Variants in STK3 observed in about 807,000 individuals in gnomAD.
STK3 encodes the protein serine/threonine kinase 3.
In STK3, 41 loss-of-function variants were observed where a neutral mutation model predicts 58.0. The ratio of observed to expected loss-of-function variants is 0.71; its 90% CI spans 0.55 to 0.92. STK3 has a LOEUF of 0.92. Ranked by LOEUF, STK3 falls within the 40% of genes least tolerant of loss-of-function variation. The pLI is 0.00. For missense variants in STK3, 479 were observed against 602.7 expected (o/e 0.79, Z 2.15); for synonymous variants, 170 against 191.0 (o/e 0.89, Z 0.91).
chr8:98,817,723 T>C (rs1309590102), intron 1 of STK3, among the ~76,000 whole-genome samples: 2 of 152,172 alleles, frequency 1.3e-5, no homozygotes, highest in African/African-American at 2.4e-5. Flanking sequence ...GTCCTTCATT[T>C]ATAACTCCAA....
chr8:98,644,386 A>C (rs1351889096), intron 6 of STK3, among the ~76,000 whole-genome samples: 1 of 152,206 alleles, frequency 6.6e-6, no homozygotes, highest in African/African-American at 2.4e-5. Flanking sequence ...CAGATTAAAA[A>C]TTAAAATTAA....
chr8:98,740,280 G>A (rs1008337159), intron 4 of STK3, among the ~76,000 whole-genome samples: 4 of 152,000 alleles, frequency 2.6e-5, no homozygotes, highest in African/African-American at 7.3e-5. Context: ...GCAACTCCAA[G>A]ACACATAATT....
the STK3 span, among the ~76,000 whole-genome samples, chr8:98,359,522 CA>C: frequency 2.7e-3 from 305 of 114,428 alleles, no homozygotes; most frequent in East Asian, 4.5e-3. Context: ...GACTCTGGCT[CA>C]AAAAAAAAAA....
At chr8:98,921,794 C>T (rs868818881) in intron 1 of STK3, among the ~76,000 whole-genome samples, 4 of 152,114 alleles carry the variant, frequency 2.6e-5, no homozygotes, top group Non-Finnish European at 2.9e-5. Context: ...CGGGTTCAAG[C>T]GATTCTCCTG....
chr8:98,356,257 C>A, the STK3 span, among the ~76,000 whole-genome samples: 1 of 152,144 alleles, frequency 6.6e-6, no homozygotes, highest in African/African-American at 2.4e-5. Flanking sequence ...GTGCTGTTTC[C>A]TAGTAGTGAA....
chr8:98,762,490 G>A (rs1453643188), intron 3 of STK3, among the ~76,000 whole-genome samples: 1 of 152,158 alleles, frequency 6.6e-6, no homozygotes, highest in Non-Finnish European at 1.5e-5. Flanking sequence ...TTCTGACCTT[G>A]TGATCCACCC....
At chr8:98,696,944 C>A (rs1373100296) in intron 6 of STK3, among the ~76,000 whole-genome samples, 1 of 152,190 alleles carries the variant, frequency 6.6e-6, no homozygotes, top group Non-Finnish European at 1.5e-5. Flanking sequence ...ACCAATTCCT[C>A]CTTGTACCTC....
At chr8:98,655,545 G>C (rs888837290) in intron 6 of STK3, among the ~76,000 whole-genome samples, 21 of 151,906 alleles carry the variant, frequency 1.4e-4, no homozygotes, top group South Asian at 4.2e-4. Flanking sequence ...AGAGTGAACA[G>C]GCAACCTACA....
At position 98,455,596 on chromosome 8, in the gene STK3, C is replaced by T; in HGVS notation, c.*246G>A. 1 of 495,406 alleles carries T rather than the reference C, an allele frequency of 2.0e-6. No homozygotes were observed. Among genetic ancestry groups the T allele is most frequent in the Non-Finnish European group, 3.6e-6 (1 of 278,936 alleles). 30.7% of individuals were successfully genotyped at this position (495,406 alleles called of 1,614,324 possible). On this transcript the variant is annotated 3_prime_UTR_variant, in exon 11 of 11. Coordinates refer to ENST00000419617, the MANE Select transcript of STK3 (RefSeq NM_006281.4). ...AATCCATTTCATAACAGTTTTATTA[C>T]TGGTATGCAGCTGACAGAACAAGAG...
rs534594502 is a variant in STK3, at chr8:98,731,445, C to T, written c.351+17831G>A. 5.3e-5 allele frequency among the ~76,000 whole-genome samples: 8 copies of T among 152,226 alleles called. No homozygotes were observed. The East Asian group carries it at 1.2e-3, about 22-fold the overall frequency. On this transcript the variant is annotated intron_variant, in intron 4 of 10. Coordinates refer to ENST00000419617, the MANE Select transcript of STK3 (RefSeq NM_006281.4). Reference sequence around the variant, plus strand: ...CTCTAAAGAAATTCAGGGGGCCGGGCGCAGTGGCTCACGCCTGCAATCCTA... The same window carrying T: ...CTCTAAAGAAATTCAGGGGGCCGGGTGCAGTGGCTCACGCCTGCAATCCTA...
intron 1 of STK3, among the ~76,000 whole-genome samples, chr8:98,940,924 G>C (rs974551698): frequency 8.5e-5 from 13 of 152,250 alleles, no homozygotes; most frequent in Non-Finnish European, 1.8e-4. Flanking sequence ...TATTGGCCCT[G>C]AGAATAGGCC....
intron 10 of STK3, among the ~76,000 whole-genome samples, chr8:98,523,374 CCTTTT>C (rs1312911755): frequency 1.4e-5 from 2 of 147,884 alleles, no homozygotes; most frequent in Non-Finnish European, 3.0e-5. Flanking sequence ...AGTCCTTTGC[CCTTTT>C]TTTTTTTTTT....
chr8:98,468,015 A>C (rs1213585688), intron 10 of STK3, among the ~76,000 whole-genome samples: 2 of 152,228 alleles, frequency 1.3e-5, no homozygotes, highest in African/African-American at 2.4e-5. Context: ...AAAACCCACA[A>C]ATCATGCAAT....
intron 1 of STK3, among the ~76,000 whole-genome samples, chr8:98,902,681 G>T (rs1297877266): frequency 6.6e-6 from 1 of 152,086 alleles, no homozygotes; most frequent in Non-Finnish European, 1.5e-5. Context: ...TGGAAACCAG[G>T]GATCATTTAA....
chr8:98,788,179 C>T (rs573998274), intron 1 of STK3, among the ~76,000 whole-genome samples: 6 of 152,136 alleles, frequency 3.9e-5, no homozygotes, highest in African/African-American at 4.8e-5. Flanking sequence ...TGGTGGCTCA[C>T]GGGGGTAATC....
chr8:98,737,930 A>T (rs199888918), intron 4 of STK3, among the ~76,000 whole-genome samples: 1 of 152,046 alleles, frequency 6.6e-6, no homozygotes, highest in African/African-American at 2.4e-5. Flanking sequence ...GGCTGGTCTC[A>T]AACTCCTGAC....
At chr8:98,817,197 T>G (rs1395389821) in intron 1 of STK3, among the ~76,000 whole-genome samples, 1 of 152,222 alleles carries the variant, frequency 6.6e-6, no homozygotes, top group African/African-American at 2.4e-5. Context: ...CTCATGCCTT[T>G]AATCCCAGCA....
upstream of STK3, among the ~76,000 whole-genome samples, chr8:98,828,489 G>A (rs1266987597): frequency 1.3e-5 from 2 of 150,702 alleles, no homozygotes; most frequent in East Asian, 3.9e-4. Context: ...TGGGCATGGT[G>A]GCATGCACCT....
chr8:98,738,555 C>T (rs985930878), intron 4 of STK3, among the ~76,000 whole-genome samples: 2 of 152,100 alleles, frequency 1.3e-5, no homozygotes, highest in African/African-American at 4.8e-5. Flanking sequence ...GGAATTGCAT[C>T]CCAAACATCA....
Sources: allele counts gnomAD v4.1 joint callset (sites outside exome capture counted in the v4.1 genomes callset), GRCh38; gene constraint gnomAD v4.1.1; transcripts MANE v1.5; gene names NCBI Gene and HGNC (gene_info 2026-07-23, HGNC 2026-07-21).